Variants in PTPN21 observed in about 807,000 individuals in gnomAD.
PTPN21 encodes protein tyrosine phosphatase non-receptor type 21.
Under a neutral mutation model 131.8 loss-of-function variants are expected in PTPN21, and 77 were observed. The observed-to-expected ratio is 0.58, with a 90% CI of 0.49 to 0.71. PTPN21 has a LOEUF of 0.71. Ranked by LOEUF, PTPN21 falls within the 30% of genes least tolerant of loss-of-function variation. The pLI is 0.00. For missense variants in PTPN21, 1,552 were observed against 1,527.1 expected (o/e 1.02, Z -0.27); for synonymous variants, 715 against 621.3 (o/e 1.15, Z -2.24).
At chr14:88,493,123 A>G (rs1301190678) in intron 10 of PTPN21, 1 of 455,980 alleles carries the variant, frequency 2.2e-6, no homozygotes, top group East Asian at 6.9e-5. Flanking sequence ...ACCTTCATCA[A>G]TAATGGGATA....
chr14:88,498,909 A>G (rs1471463141), intron 8 of PTPN21, among the ~76,000 whole-genome samples: 1 of 30,304 alleles, frequency 3.3e-5, no homozygotes, highest in Non-Finnish European at 2.5e-4. Context: ...CATTAGATTT[A>G]TTTATTTTAA....
chr14:88,475,333 C>A (rs190848216), intron 13 of PTPN21, among the ~76,000 whole-genome samples: 1 of 152,276 alleles, frequency 6.6e-6, no homozygotes, highest in East Asian at 1.9e-4. Flanking sequence ...TAATTGGAGA[C>A]TGTGATTGGT....
Position 88,504,451 on chromosome 14 carries a change from T to A in PTPN21, c.561A>T (p.Lys187Asn). The change falls in exon 6 of 19, where the codon AAA becomes AAT. Residue 187 changes from lysine to asparagine, a missense_variant. Lys to Asn is a moderately conservative substitution (Grantham distance 94). Transcript: ENST00000556564. Reference sequence around the variant, plus strand: ...TGTATTTCTGATGTAGTAAGGCCACTTTTTGGGTTGCTTCTTCCAATACTT... The same window carrying A: ...TGTATTTCTGATGTAGTAAGGCCACATTTTGGGTTGCTTCTTCCAATACTT... ...DEKVLEEATQ[K>N]VALLHQKYRG... The A allele has an allele frequency of 6.2e-7, 1 of 1,612,478 alleles. No homozygotes were observed. The highest frequency in any genetic ancestry group is 8.5e-7 in the Non-Finnish European group (1 of 1,178,524).
At chr14:88,488,194 G>A (rs1222572708) in intron 10 of PTPN21, among the ~76,000 whole-genome samples, 1 of 152,114 alleles carries the variant, frequency 6.6e-6, no homozygotes, top group African/African-American at 2.4e-5. Flanking sequence ...AGAATTCTCT[G>A]TCAACAAACT....
At chr14:88,523,112 C>T (rs10146992) in intron 2 of PTPN21, among the ~76,000 whole-genome samples, 14,044 of 152,036 alleles carry the variant, frequency 0.092, 1,149 homozygotes, top group African/African-American at 0.22. Context: ...GCCAGCATTA[C>T]CCCAATACCA....
At chr14:88,542,047 G>A (rs905057475) in intron 2 of PTPN21, among the ~76,000 whole-genome samples, 3 of 152,084 alleles carry the variant, frequency 2.0e-5, no homozygotes, top group East Asian at 1.9e-4. Flanking sequence ...GTCCATGACC[G>A]CCACAAATTT....
Position 88,479,061 on chromosome 14 carries a change from C to T in PTPN21, c.2370G>A (p.Gly790=). The change falls in exon 13 of 19, where the codon GGG becomes GGA. Residue 790 remains glycine, a synonymous_variant. Coordinates refer to ENST00000556564, the MANE Select transcript of PTPN21 (RefSeq NM_007039.4). ...TAEAQRPWRD[G]LLMPSMSESD... ...ACTCCGACATGGAGGGCATCAGCAG[C>T]CCGTCTCTCCAGGGCCGCTGGGCCT... The T allele has an allele frequency of 1.2e-6, 2 of 1,606,746 alleles. No homozygotes were observed. The highest frequency in any genetic ancestry group is 8.5e-7 in the Non-Finnish European group (1 of 1,177,352).
chr14:88,499,805 T>G (rs2077981778), intron 8 of PTPN21, among the ~76,000 whole-genome samples: 1 of 152,210 alleles, frequency 6.6e-6, no homozygotes, highest in Admixed American at 6.5e-5. Context: ...ACTTTGGGTT[T>G]TCCAGATAAC....
chr14:88,489,613 A>G (rs10150594), intron 10 of PTPN21, among the ~76,000 whole-genome samples: 56,870 of 152,030 alleles, frequency 0.37, 11,195 homozygotes, highest in African/African-American at 0.5. Context: ...TCACACCACC[A>G]CACTCCAGCC....
chr14:88,510,803 T>TA (rs2078166163), intron 3 of PTPN21, among the ~76,000 whole-genome samples: 2 of 152,272 alleles, frequency 1.3e-5, no homozygotes, highest in South Asian at 4.1e-4. Context: ...TAACATACAG[T>TA]AAAAAACATA....
intron 15 of PTPN21, among the ~76,000 whole-genome samples, chr14:88,470,856 A>C (rs1446781606): frequency 6.6e-6 from 1 of 152,130 alleles, no homozygotes; most frequent in Non-Finnish European, 1.5e-5. Context: ...TCATTTATTT[A>C]TTTCCATGTA....
At chr14:88,487,839 G>A (rs532819715) in intron 10 of PTPN21, among the ~76,000 whole-genome samples, 8 of 152,008 alleles carry the variant, frequency 5.3e-5, no homozygotes, top group South Asian at 4.2e-4. Flanking sequence ...GGTGGCAGGC[G>A]CCTGTAATCC....
Position 88,518,226 on chromosome 14 carries a change from CAAAAAAAAAAAAAAA to C in PTPN21, c.181-980_181-966del, listed in dbSNP as rs1172099704. 3.7e-3 allele frequency among the ~76,000 whole-genome samples: 41 copies of C among 11,072 alleles called. 1 individual carries two copies. The South Asian group carries it at 0.16, about 42-fold the overall frequency. The allele number at this position is 11,072 out of a possible 152,430, so 7.3% of individuals were successfully genotyped here. A position where few individuals can be genotyped will look rare whatever the true frequency, so the allele number is the denominator to read the frequency against. On this transcript the variant is annotated intron_variant, in intron 2 of 18. Coordinates refer to ENST00000556564, the MANE Select transcript of PTPN21 (RefSeq NM_007039.4). ...TGGGCAACAGAGTGAGAATCTACCT[CAAAAAAAAAAAAAAA>C]AAAAAAAAAAAAAAATATATATATA...
intron 8 of PTPN21, 89 bp from the exon 9 acceptor site, chr14:88,497,379 G>A (rs1486223505): frequency 1.2e-5 from 12 of 995,918 alleles, no homozygotes; most frequent in African/African-American, 1.6e-5. Context: ...TAAGCCTGAC[G>A]TGTAAGTTAG....
chr14:88,505,497 G>T, intron 4 of PTPN21, 126 bp from the exon 5 acceptor site: 1 of 564,854 alleles, frequency 1.8e-6, no homozygotes. Context: ...ATTTGTTATA[G>T]CTATATAAAG....
At chr14:88,474,131 C>CGA (rs1555382614) in intron 13 of PTPN21, among the ~76,000 whole-genome samples, 4 of 46,680 alleles carry the variant, frequency 8.6e-5, no homozygotes, top group South Asian at 1.3e-3. Flanking sequence ...AGCTGAAGTC[C>CGA]AAAAAAAAAA....
At chr14:88,483,161 G>A (rs2077677750) in intron 12 of PTPN21, among the ~76,000 whole-genome samples, 2 of 148,476 alleles carry the variant, frequency 1.3e-5, no homozygotes, top group South Asian at 4.2e-4. Context: ...GCAGTGAGCC[G>A]AGATCGCGCC....
At chr14:88,531,781 C>A (rs1210172221) in intron 2 of PTPN21, among the ~76,000 whole-genome samples, 1 of 151,844 alleles carries the variant, frequency 6.6e-6, no homozygotes, top group Non-Finnish European at 1.5e-5. Context: ...CAGAGCAGAA[C>A]CAAATGAAAT....
chr14:88,482,588 G>A (rs1046390854), intron 12 of PTPN21, among the ~76,000 whole-genome samples: 3 of 151,654 alleles, frequency 2.0e-5, no homozygotes, highest in Non-Finnish European at 4.4e-5. Context: ...ACTCTAGCCT[G>A]GACAACAAAA....
Sources: gnomAD v4.1 joint callset for allele counts (sites outside exome capture counted in the v4.1 genomes callset) on GRCh38, gnomAD v4.1.1 for gene constraint, MANE v1.5 for transcripts, NCBI Gene and HGNC (gene_info 2026-07-23, HGNC 2026-07-21) for gene names.